FUT8: variants seen among roughly 807,000 people sequenced by gnomAD.
FUT8 encodes the protein fucosyltransferase 8, also known as alpha-(1,6)-fucosyltransferase.
A neutral mutation model predicts 71.3 loss-of-function variants in FUT8; 29 were observed. That is an observed-to-expected ratio of 0.41 (90% confidence interval 0.30 to 0.55). The LOEUF (loss-of-function observed/expected upper bound fraction) is 0.55, where lower values mean the gene tolerates loss of function less well. Among genes scored for constraint, FUT8 ranks in the 20% least tolerant of loss-of-function variants. The pLI is 0.34. For missense variants in FUT8, 544 were observed against 702.1 expected, an observed-to-expected ratio of 0.77 and a Z score of 2.55; for synonymous variants, 254 against 239.3, an observed-to-expected ratio of 1.06 and a Z score of -0.57.
chr14:65,386,413 A>G, the FUT8 span, among the ~76,000 whole-genome samples: 1 of 146,246 alleles, frequency 6.8e-6, no homozygotes, highest in African/African-American at 2.5e-5. Context: ...CTGAGGTGGG[A>G]GCATCTCTGA....
intron 2 of FUT8, among the ~76,000 whole-genome samples, chr14:65,490,277 G>A (rs1302732792): frequency 6.6e-6 from 1 of 152,100 alleles, no homozygotes; most frequent in Non-Finnish European, 1.5e-5. Flanking sequence ...TTAACTGCAT[G>A]CAGATGTGAT....
intron 7 of FUT8, among the ~76,000 whole-genome samples, chr14:65,720,693 A>T (rs1895370114): frequency 6.6e-6 from 1 of 152,140 alleles, no homozygotes; most frequent in Non-Finnish European, 1.5e-5. Flanking sequence ...TTGCCTAGAA[A>T]TTACAGTTCT....
chr14:65,595,265 A>T (rs1887904672), intron 3 of FUT8, among the ~76,000 whole-genome samples: 1 of 152,178 alleles, frequency 6.6e-6, no homozygotes. Context: ...ATATGAGAGG[A>T]TGTAATAATC....
intron 6 of FUT8, among the ~76,000 whole-genome samples, chr14:65,662,240 C>A (rs935643750): frequency 1.3e-5 from 2 of 152,042 alleles, no homozygotes; most frequent in African/African-American, 4.8e-5. Flanking sequence ...TGGGAAAACC[C>A]ATCTCTACAA....
chr14:65,463,692 C>G (rs2066000361), intron 2 of FUT8, among the ~76,000 whole-genome samples: 1 of 152,128 alleles, frequency 6.6e-6, no homozygotes, highest in Non-Finnish European at 1.5e-5. Context: ...TTCCTGGGGC[C>G]ATGGTGGCTG....
At chr14:65,620,623 G>T in intron 5 of FUT8, among the ~76,000 whole-genome samples, 1 of 151,950 alleles carries the variant, frequency 6.6e-6, no homozygotes, top group Non-Finnish European at 1.5e-5. Context: ...AGTTAAGTTT[G>T]GTGAACCTTC....
the FUT8 span, among the ~76,000 whole-genome samples, chr14:65,365,328 C>CCTCTCTCT: frequency 2.6e-4 from 36 of 139,074 alleles, no homozygotes; most frequent in African/African-American, 7.0e-4. Flanking sequence ...ATAAATTCTT[C>CCTCTCTCT]CTCTCTCTCT....
At chr14:65,602,367 A>T (rs1455415432) in intron 3 of FUT8, among the ~76,000 whole-genome samples, 1 of 134,868 alleles carries the variant, frequency 7.4e-6, no homozygotes, top group South Asian at 2.5e-4. Context: ...ACACACACAC[A>T]CACACACACA....
intron 7 of FUT8, among the ~76,000 whole-genome samples, chr14:65,673,421 G>A (rs956945598): frequency 6.6e-6 from 1 of 152,192 alleles, no homozygotes; most frequent in Non-Finnish European, 1.5e-5. Flanking sequence ...AACTGAATAA[G>A]CAATTAAAAT....
chr14:65,584,975 A>G (rs1222449176), intron 3 of FUT8, among the ~76,000 whole-genome samples: 1 of 152,148 alleles, frequency 6.6e-6, no homozygotes, highest in Non-Finnish European at 1.5e-5. Context: ...GGAAATATAT[A>G]TAACCTATAA....
chr14:65,562,617 C>A (rs930954523), intron 3 of FUT8, among the ~76,000 whole-genome samples: 2 of 152,068 alleles, frequency 1.3e-5, no homozygotes, highest in Non-Finnish European at 2.9e-5. Flanking sequence ...ATGTAGTACT[C>A]ACTCTCTCAA....
At chr14:65,571,810 CA>C (rs1886492294) in intron 3 of FUT8, among the ~76,000 whole-genome samples, 1 of 151,954 alleles carries the variant, frequency 6.6e-6, no homozygotes, top group African/African-American at 2.4e-5. Context: ...TTTCAGGCAA[CA>C]AAAGTATTAT....
chr14:65,474,509 G>A (rs1026400385), intron 2 of FUT8, among the ~76,000 whole-genome samples: 1 of 146,672 alleles, frequency 6.8e-6, no homozygotes, highest in Non-Finnish European at 1.5e-5. Flanking sequence ...GGGGCTGGGC[G>A]AATCGCTTGA....
chr14:65,422,087 C>A (rs113462440), intron 1 of FUT8, among the ~76,000 whole-genome samples: 2 of 152,240 alleles, frequency 1.3e-5, no homozygotes, highest in African/African-American at 4.8e-5. Flanking sequence ...TACTTCAGCA[C>A]CTTTGGTGTT....
intron 2 of FUT8, among the ~76,000 whole-genome samples, chr14:65,495,558 T>C (rs2066545986): frequency 6.6e-6 from 1 of 152,192 alleles, no homozygotes; most frequent in South Asian, 2.1e-4. Flanking sequence ...AAGAGCCTAA[T>C]TATAATATAT....
In FUT8 at chr14:65,743,476, G is replaced by C. The variant is rs534611890; in HGVS notation, c.*1066G>C. 6.6e-6 allele frequency: 1 copy of C among 151,770 alleles called. No homozygotes were observed. The highest frequency in any genetic ancestry group is 2.4e-5 in the African/African-American group (1 of 41,312). The allele number at this position is 151,770 out of a possible 1,614,324, so 9.4% of individuals were successfully genotyped here. ...ACCTCCATTTCTAAAACCATTTCAG[G>C]TTTGTTTGGTAGTCTTTCTTAATGT... is the stretch of plus-strand genomic sequence containing the variant. On this transcript the variant is annotated 3_prime_UTR_variant, in exon 11 of 11. Transcript: ENST00000673929.
chr14:65,645,689 T>C (rs1891092256), intron 6 of FUT8, among the ~76,000 whole-genome samples: 1 of 152,206 alleles, frequency 6.6e-6, no homozygotes, highest in Non-Finnish European at 1.5e-5. Context: ...GCTACATTTT[T>C]AATTGTCTAC....
At chr14:65,617,091 A>T (rs372207252) in intron 5 of FUT8, 20 of 1,593,978 alleles carry the variant, frequency 1.3e-5, no homozygotes, top group Admixed American at 9.3e-5. Context: ...TTCCAGTAGG[A>T]TTCTGATGGC....
At chr14:65,529,276 G>T (rs1443600177) in intron 2 of FUT8, 1 of 151,848 alleles carries the variant, frequency 6.6e-6, no homozygotes, top group African/African-American at 2.4e-5. Flanking sequence ...TTGTTGCCCA[G>T]GCTGGAGTGC....
Sources: gnomAD v4.1 joint callset for allele counts (sites outside exome capture counted in the v4.1 genomes callset) on GRCh38, gnomAD v4.1.1 for gene constraint, MANE v1.5 for transcripts, NCBI Gene and HGNC (gene_info 2026-07-23, HGNC 2026-07-21) for gene names.